The following KCNH1 variants were observed in gnomAD, a reference collection of about 807,000 sequenced individuals.
The protein encoded by KCNH1 is voltage-gated delayed rectifier potassium channel KCNH1.
KCNH1 carries 27 observed loss-of-function variants against 69.2 expected under a neutral mutation model. That is an observed-to-expected ratio of 0.39 (90% CI 0.29 to 0.54). KCNH1 has a LOEUF of 0.54. KCNH1 is among the 20% of genes least tolerant of loss of function. The pLI is 0.68. For missense variants in KCNH1, 798 were observed against 1,261.6 expected (o/e 0.63, Z 5.57); for synonymous variants, 456 against 487.7 (o/e 0.93, Z 0.86).
chr1:210,720,093 A>G (rs190822367), intron 10 of KCNH1, among the ~76,000 whole-genome samples: 6 of 152,314 alleles, frequency 3.9e-5, no homozygotes, highest in Admixed American at 6.5e-5. Flanking sequence ...GGGACATTCT[A>G]TGGCCAAACA....
chr1:211,031,437 CAA>C (rs1558575239), intron 5 of KCNH1, among the ~76,000 whole-genome samples: 1 of 151,878 alleles, frequency 6.6e-6, no homozygotes, highest in African/African-American at 2.4e-5. Flanking sequence ...AGAGACACAA[CAA>C]AAAAAGAGAA....
At chr1:210,853,731 T>C (rs192648118) in intron 7 of KCNH1, among the ~76,000 whole-genome samples, 20 of 152,250 alleles carry the variant, frequency 1.3e-4, no homozygotes, top group Admixed American at 1.3e-3. Flanking sequence ...GCATCTTTCT[T>C]GCCAAATGGA....
At chr1:211,113,107 A>T (rs1206178652) in intron 1 of KCNH1, among the ~76,000 whole-genome samples, 3 of 152,160 alleles carry the variant, frequency 2.0e-5, no homozygotes. Context: ...CAACCTTTAC[A>T]TGAATCTTTG....
Position 211,050,552 on chromosome 1 carries a change from G to A in KCNH1, c.559-31296C>T, listed in dbSNP as rs150810927. Among the ~76,000 whole-genome samples the A allele has an allele frequency of 3.2e-3, 484 of 152,218 alleles. 3 individuals are homozygous for A. Among genetic ancestry groups the A allele is most frequent in the African/African-American group, 0.011 (454 of 41,526 alleles). On this transcript the variant is annotated intron_variant, in intron 5 of 10. Coordinates refer to ENST00000271751, the MANE Select transcript of KCNH1 (RefSeq NM_172362.3). Reference sequence around the variant, plus strand: ...GTCCAGGACCAACCCACATGACACCGTCACAAATACAATCCCACGCTGAAA... The same window carrying A: ...GTCCAGGACCAACCCACATGACACCATCACAAATACAATCCCACGCTGAAA...
intron 7 of KCNH1, among the ~76,000 whole-genome samples, chr1:210,806,237 C>T (rs983849847): frequency 6.6e-6 from 1 of 152,092 alleles, no homozygotes; most frequent in Non-Finnish European, 1.5e-5. Context: ...GTTATTGTGT[C>T]TTTTTCAATT....
rs867791289 is a variant in KCNH1 at position 210,763,899 on chromosome 1, C to T, written c.2112+11449G>A. Among the ~76,000 whole-genome samples the T allele has an allele frequency of 3.9e-5, 6 of 152,064 alleles. No individual in the cohort carries two copies. The South Asian group carries it at 6.2e-4, about 16-fold the overall frequency. On this transcript the variant is annotated intron_variant, in intron 10 of 10. Coordinates refer to ENST00000271751, the MANE Select transcript of KCNH1 (RefSeq NM_172362.3). ...AAATTCATATGGAACCAAAAAACAG[C>T]GCAAATAACCAAGGCAATCCTACAC...
chr1:211,100,968 T>A (rs1171035927), intron 3 of KCNH1, among the ~76,000 whole-genome samples: 1 of 152,230 alleles, frequency 6.6e-6, no homozygotes, highest in Non-Finnish European at 1.5e-5. Flanking sequence ...TCTTGAACTC[T>A]CAATGCTCTC....
intron 10 of KCNH1, among the ~76,000 whole-genome samples, chr1:210,711,519 C>A (rs1362104590): frequency 6.6e-6 from 1 of 152,206 alleles, no homozygotes; most frequent in South Asian, 2.1e-4. Flanking sequence ...AGGTGTCTTA[C>A]ATGCTGTTCC....
chr1:210,997,972 T>G (rs1376629190), intron 6 of KCNH1, among the ~76,000 whole-genome samples: 1 of 152,184 alleles, frequency 6.6e-6, no homozygotes. Flanking sequence ...TGAGAGATTT[T>G]GTCACCACCA....
intron 3 of KCNH1, among the ~76,000 whole-genome samples, chr1:211,091,336 C>T (rs1234203791): frequency 1.3e-5 from 2 of 152,092 alleles, no homozygotes; most frequent in Non-Finnish European, 2.9e-5. Context: ...GTACCCACCA[C>T]CATGCCCGGG....
intron 7 of KCNH1, among the ~76,000 whole-genome samples, chr1:210,865,569 A>G (rs985994654): frequency 6.6e-6 from 1 of 152,234 alleles, no homozygotes; most frequent in Non-Finnish European, 1.5e-5. Flanking sequence ...CACAGTGTAC[A>G]CACAATGCTG....
At chr1:211,007,800 A>T (rs1171807749) in intron 6 of KCNH1, among the ~76,000 whole-genome samples, 1 of 152,220 alleles carries the variant, frequency 6.6e-6, no homozygotes, top group Non-Finnish European at 1.5e-5. Context: ...AACTAATAAA[A>T]TGATCTCAAA....
chr1:211,095,991 C>G (rs946141941), intron 3 of KCNH1, among the ~76,000 whole-genome samples: 14 of 152,184 alleles, frequency 9.2e-5, no homozygotes, highest in Non-Finnish European at 1.8e-4. Flanking sequence ...AACAGAGTTA[C>G]TTAAAATAAA....
In KCNH1 at chr1:211,088,687, G is replaced by A. The variant is rs187005124; in HGVS notation, c.439+1875C>T. 5.5e-3 allele frequency among the ~76,000 whole-genome samples: 839 copies of A among 152,156 alleles called. 2 individuals are homozygous for A. The highest frequency in any genetic ancestry group is 8.2e-3 in the Non-Finnish European group (559 of 67,968). ...CAGGATTCCTACATCGAGGACTAAC[G>A]TGTGTGTGTGTATGTGTCAAATTTT... On this transcript the variant is annotated intron_variant, in intron 4 of 10. Coordinates refer to ENST00000271751, the MANE Select transcript of KCNH1 (RefSeq NM_172362.3).
Position 210,706,276 on chromosome 1 carries a change from G to A in KCNH1, c.2113-22138C>T, listed in dbSNP as rs540832260. 3.7e-4 allele frequency among the ~76,000 whole-genome samples: 57 copies of A among 152,306 alleles called. No individual in the cohort carries two copies. In the South Asian group the frequency reaches 9.7e-3, roughly 26 times the overall value. ...ACACCAGCTCTTGCAGGGGTGGACC[G>A]TGCCTGGGTGGGGAGCATTCTACAG... On this transcript the variant is annotated intron_variant, in intron 10 of 10. Coordinates refer to ENST00000271751, the MANE Select transcript of KCNH1 (RefSeq NM_172362.3).
intron 10 of KCNH1, among the ~76,000 whole-genome samples, chr1:210,771,298 G>T (rs994719626): frequency 6.6e-6 from 1 of 152,122 alleles, no homozygotes; most frequent in African/African-American, 2.4e-5. Context: ...CCTCCCTCTA[G>T]ACTTCCTGTT....
intron 1 of KCNH1, among the ~76,000 whole-genome samples, chr1:211,109,919 A>G: frequency 6.6e-6 from 1 of 152,092 alleles, no homozygotes; most frequent in South Asian, 2.1e-4. Flanking sequence ...AGGGAACAAG[A>G]ACTCTTATAA....
chr1:210,818,027 C>T (rs979883020), intron 7 of KCNH1, among the ~76,000 whole-genome samples: 8 of 152,080 alleles, frequency 5.3e-5, no homozygotes, highest in Non-Finnish European at 8.8e-5. Flanking sequence ...AAGGCAAATT[C>T]GTCCTGATTT....
At chr1:210,712,684 G>C (rs900678854) in intron 10 of KCNH1, among the ~76,000 whole-genome samples, 5 of 152,172 alleles carry the variant, frequency 3.3e-5, no homozygotes, top group Non-Finnish European at 7.3e-5. Context: ...AGGTGGTTTG[G>C]CTCATACCTA....
Sources: gnomAD v4.1 joint callset for allele counts (sites outside exome capture counted in the v4.1 genomes callset) on GRCh38, gnomAD v4.1.1 for gene constraint, MANE v1.5 for transcripts, NCBI Gene and HGNC (gene_info 2026-07-23, HGNC 2026-07-21) for gene names.